The following PCDHGB7 variants were observed in gnomAD, a reference collection of about 807,000 sequenced individuals.
PCDHGB7 encodes the protein protocadherin gamma-B7.
PCDHGB7 carries 37 observed loss-of-function variants against 61.4 expected under a neutral mutation model. That is an observed-to-expected ratio of 0.60 (90% CI 0.46 to 0.79). PCDHGB7 has a LOEUF of 0.79. PCDHGB7 is among the 30% of genes least tolerant of loss of function. PCDHGB7 has a pLI of 0.00. For synonymous variants in PCDHGB7, 464 were observed against 503.5 expected, an observed-to-expected ratio of 0.92 and a Z score of 1.05; for missense variants, 1,166 against 1,202.5, an observed-to-expected ratio of 0.97 and a Z score of 0.45.
chr5:141,427,994 C>T, intron 1 of PCDHGB7: 1 of 1,599,396 alleles, frequency 6.3e-7, no homozygotes, highest in Non-Finnish European at 8.6e-7. Flanking sequence ...CCGATGGCTC[C>T]GCACTCTTCG....
intron 1 of PCDHGB7, among the ~76,000 whole-genome samples, chr5:141,460,221 C>T (rs931609262): frequency 3.4e-4 from 51 of 151,918 alleles, no homozygotes; most frequent in African/African-American, 1.2e-3. Flanking sequence ...TTAGTTGTGT[C>T]TTTTGAAGAG....
chr5:141,484,940 G>C, intron 1 of PCDHGB7: 1 of 541,138 alleles, frequency 1.8e-6, no homozygotes, highest in Non-Finnish European at 3.3e-6. Flanking sequence ...GACGTTCTCT[G>C]CTCAGCCTAT....
In PCDHGB7 at chr5:141,418,895, GAA is replaced by G. The variant is rs746676640; in HGVS notation, c.1038_1039del (p.Glu346AspfsTer8). On this transcript the variant is annotated frameshift_variant, in exon 1 of 4. Coordinates refer to ENST00000398594, the MANE Select transcript of PCDHGB7 (RefSeq NM_018927.4). LOFTEE classifies it high-confidence loss of function. ...TGTAGACGAAAACGACAACAGCCCA[GAA>G]ATAATCATCACGTCACTCTCTGATC... is the stretch of plus-strand genomic sequence containing the variant. ...EVVDENDNSP[E>X]IIITSLSDQI... is the part of the protein sequence containing the mutation. The G allele has an allele frequency of 6.2e-7, 1 of 1,613,998 alleles. No individual in the cohort carries two copies. The highest frequency in any genetic ancestry group is 1.7e-5 in the Admixed American group (1 of 60,028).
At position 141,477,910 on chromosome 5, in the gene PCDHGB7, G is replaced by C. The variant is rs766164142; in HGVS notation, c.2416-16897G>C. ...TGTCACGGGTGGTAGGCTGGGACGC[G>C]GATGCAGGGCACAATGCCTGGCTCT... On this transcript the variant is annotated intron_variant, in intron 1 of 3. Coordinates refer to ENST00000398594, the MANE Select transcript of PCDHGB7 (RefSeq NM_018927.4). This position sits in a 1 kb window ranked among gnomAD's most constrained non-coding sequence, Gnocchi z 4.9. 3 of 1,614,168 alleles carry C rather than the reference G, an allele frequency of 1.9e-6. No homozygotes were observed. Among genetic ancestry groups the C allele is most frequent in the Non-Finnish European group, 2.5e-6 (3 of 1,180,032 alleles).
chr5:141,494,680 C>G (rs552351026), intron 1 of PCDHGB7, 127 bp from the exon 2 acceptor site: 2 of 1,560,096 alleles, frequency 1.3e-6, no homozygotes, highest in East Asian at 4.6e-5. Context: ...CCACCCCTGC[C>G]CCCTCTTAGT....
chr5:141,465,125 G>A (rs1003967387), intron 1 of PCDHGB7, among the ~76,000 whole-genome samples: 1 of 151,194 alleles, frequency 6.6e-6, no homozygotes, highest in Non-Finnish European at 1.5e-5. Context: ...GCCTAAATTT[G>A]TAAAAAGTTT....
rs765743251 is a variant in PCDHGB7 at position 141,476,488 on chromosome 5, G to A, written c.2416-18319G>A. ...TGGAGCTGTTCAGCGTGGAAGTGGTGATCCAGGACATCAACGACAACAATC... is the reference window on the plus strand; with the variant it reads ...TGGAGCTGTTCAGCGTGGAAGTGGTAATCCAGGACATCAACGACAACAATC... On this transcript the variant is annotated intron_variant, in intron 1 of 3. Coordinates refer to ENST00000398594, the MANE Select transcript of PCDHGB7 (RefSeq NM_018927.4). This position sits in a 1 kb window ranked among gnomAD's most constrained non-coding sequence, Gnocchi z 7.6. 4 of 1,613,932 alleles carry A rather than the reference G, an allele frequency of 2.5e-6. No homozygotes were observed. Among genetic ancestry groups the A allele is most frequent in the Non-Finnish European group, 3.4e-6 (4 of 1,180,016 alleles).
At chr5:141,437,264 A>G (rs2097872616) in intron 1 of PCDHGB7, among the ~76,000 whole-genome samples, 2 of 152,228 alleles carry the variant, frequency 1.3e-5, no homozygotes, top group South Asian at 2.1e-4. Context: ...TTTTATGTGT[A>G]TGACAGATGT....
In PCDHGB7 at chr5:141,418,101, G is replaced by A. The variant is rs965772298; in HGVS notation, c.242G>A (p.Ser81Asn). Residue 81 changes from serine to asparagine, a missense_variant, in exon 1 of 4, where the codon AGC (serine) becomes AAC (asparagine). Coordinates refer to ENST00000398594, the MANE Select transcript of PCDHGB7 (RefSeq NM_018927.4). ...EKLHFSVDAQ[S>N]GDLLVKDRID... ...CTGCACTTCAGCGTAGACGCGCAGAGCGGGGACTTACTTGTGAAGGACCGA... is the reference window on the plus strand; with the variant it reads ...CTGCACTTCAGCGTAGACGCGCAGAACGGGGACTTACTTGTGAAGGACCGA... 6 of 1,614,082 alleles carry A rather than the reference G, an allele frequency of 3.7e-6. No individual in the cohort carries two copies. The highest frequency in any genetic ancestry group is 5.1e-6 in the Non-Finnish European group (6 of 1,179,912).
Position 141,432,909 on chromosome 5 carries a change from G to A in PCDHGB7, c.2415+12635G>A, listed in dbSNP as rs773372764. On this transcript the variant is annotated intron_variant, in intron 1 of 3. Coordinates refer to ENST00000398594, the MANE Select transcript of PCDHGB7 (RefSeq NM_018927.4). The surrounding 1 kb of genome is among the most constrained non-coding windows in gnomAD (Gnocchi z 6.0). ...ATCTTGCTGCTGGCGCTCAGGCTGCGGCGCTGGCACAAGTCACGCCTGCTG... is the reference window on the plus strand; with the variant it reads ...ATCTTGCTGCTGGCGCTCAGGCTGCAGCGCTGGCACAAGTCACGCCTGCTG... 9 of 1,614,038 alleles carry A rather than the reference G, an allele frequency of 5.6e-6. No homozygotes were observed. The highest frequency in any genetic ancestry group is 4.5e-5 in the East Asian group (2 of 44,880).
rs199547102 is a variant in PCDHGB7 at position 141,418,471 on chromosome 5, G to A, written c.612G>A (p.Thr204=). The change falls in exon 1 of 4, where the codon ACG becomes ACA. Residue 204 remains threonine, a synonymous_variant. Transcript: ENST00000398594. ...LVLQKTLDRE[T]QSAHHLVLTA... is the part of the protein sequence containing the mutation. ...TGCAGAAGACTCTGGACCGAGAAAC[G>A]CAGAGCGCTCACCACTTGGTACTGA... 3 of 1,614,002 alleles carry A rather than the reference G, an allele frequency of 1.9e-6. No individual in the cohort carries two copies. Among genetic ancestry groups the A allele is most frequent in the South Asian group, 2.2e-5 (2 of 91,080 alleles).
chr5:141,425,742 A>T (rs1315830227), intron 1 of PCDHGB7, among the ~76,000 whole-genome samples: 1 of 152,246 alleles, frequency 6.6e-6, no homozygotes, highest in Non-Finnish European at 1.5e-5. Flanking sequence ...GTTTTCCCAC[A>T]AGGTTTTTGT....
At chr5:141,430,373 A>G (rs1456234962) in intron 1 of PCDHGB7, among the ~76,000 whole-genome samples, 1 of 151,170 alleles carries the variant, frequency 6.6e-6, no homozygotes, top group Non-Finnish European at 1.5e-5. Flanking sequence ...GGGAAAAAAA[A>G]GCTCATTGGG....
At position 141,420,061 on chromosome 5, in the gene PCDHGB7, G is replaced by A. The variant is rs376044810; in HGVS notation, c.2202G>A (p.Lys734=). The change falls in exon 1 of 4, where the codon AAG becomes AAA. Residue 734 remains lysine, a synonymous_variant. Transcript: ENST00000398594. The part of the protein sequence containing the change: ...GDCFESVLCS[K]SGPVGPPNYS... ...GCTTTGAGTCAGTTCTCTGCTCCAAGTCCGGACCTGTGGGTCCCCCCAACT... is the reference window on the plus strand; with the variant it reads ...GCTTTGAGTCAGTTCTCTGCTCCAAATCCGGACCTGTGGGTCCCCCCAACT... 3 of 1,613,958 alleles carry A rather than the reference G, an allele frequency of 1.9e-6. No homozygotes were observed. The highest frequency in any genetic ancestry group is 2.5e-6 in the Non-Finnish European group (3 of 1,179,900).
intron 1 of PCDHGB7, chr5:141,439,888 A>G (rs2098137228): frequency 6.6e-6 from 1 of 152,384 alleles, no homozygotes. Context: ...TCTGGGTAGA[A>G]CCAAGGCGAC....
chr5:141,429,476 A>T (rs1279691939), intron 1 of PCDHGB7, among the ~76,000 whole-genome samples: 1 of 152,112 alleles, frequency 6.6e-6, no homozygotes, highest in Non-Finnish European at 1.5e-5. Flanking sequence ...CAATCTCCAG[A>T]GTAGCTGAGA....
rs557973676 is a variant in PCDHGB7, at chr5:141,429,315, T to C, written c.2415+9041T>C. 9.2e-5 allele frequency among the ~76,000 whole-genome samples: 14 copies of C among 152,298 alleles called. No individual in the cohort carries two copies. In the South Asian group the frequency reaches 2.9e-3, roughly 32 times the overall value. ...ACATCAATATTTGAGTATATAAGGC[T>C]TTTTCTTTAATCCATTAACTATAAA... On this transcript the variant is annotated intron_variant, in intron 1 of 3. Transcript: ENST00000398594.
intron 1 of PCDHGB7, chr5:141,441,940 G>T (rs2098285664): frequency 5.9e-6 from 2 of 341,298 alleles, no homozygotes; most frequent in Non-Finnish European, 1.1e-5. Flanking sequence ...GTCCTACCAC[G>T]TGCTGCAGGC....
chr5:141,491,666 G>T lies in PCDHGB7; in HGVS notation c.2416-3141G>T, dbSNP rs373526771. Reference sequence around the variant, plus strand: ...CTGGCGCTGGAGCCTGACGCCATCCGGTCCCGCTCTAATACGCTGCGGGAG... The same window carrying T: ...CTGGCGCTGGAGCCTGACGCCATCCTGTCCCGCTCTAATACGCTGCGGGAG... On this transcript the variant is annotated intron_variant, in intron 1 of 3. Transcript: ENST00000398594. This position sits in a 1 kb window ranked among gnomAD's most constrained non-coding sequence, Gnocchi z 6.9. 1.2e-6 allele frequency: 2 copies of T among 1,613,732 alleles called. No homozygotes were observed. Among genetic ancestry groups the T allele is most frequent in the Non-Finnish European group, 1.7e-6 (2 of 1,180,008 alleles).
Sources: allele counts gnomAD v4.1 joint callset (sites outside exome capture counted in the v4.1 genomes callset), GRCh38; gene constraint gnomAD v4.1.1; non-coding constraint Gnocchi (gnomAD v3.1); transcripts MANE v1.5; gene names NCBI Gene and HGNC (gene_info 2026-07-23, HGNC 2026-07-21).